The following ZDHHC14 variants were observed in gnomAD, a reference collection of about 807,000 sequenced individuals.
The protein encoded by ZDHHC14 is palmitoyltransferase ZDHHC14.
A neutral mutation model predicts 47.7 loss-of-function variants in ZDHHC14; 16 were observed. The observed-to-expected ratio is 0.34, with a 90% CI of 0.23 to 0.51. ZDHHC14 has a LOEUF of 0.51. ZDHHC14 is among the 20% of genes least tolerant of loss of function. ZDHHC14 has a pLI of 0.97. For missense variants in ZDHHC14, 515 were observed against 662.5 expected (o/e 0.78, Z 2.44); for synonymous variants, 293 against 278.9 (o/e 1.05, Z -0.50).
chr6:157,575,977 A>G (rs34691755), intron 2 of ZDHHC14, among the ~76,000 whole-genome samples: 2,815 of 152,188 alleles, frequency 0.018, 89 homozygotes, highest in African/African-American at 0.065. Context: ...TGGCCTCCCC[A>G]ACCCTTCCAT....
intron 1 of ZDHHC14, among the ~76,000 whole-genome samples, chr6:157,450,199 T>A (rs965772752): frequency 6.6e-6 from 1 of 151,986 alleles, no homozygotes; most frequent in South Asian, 2.1e-4. Flanking sequence ...CAGACTAGTA[T>A]GCAGATTTCT....
In ZDHHC14 at chr6:157,580,083, G is replaced by T. The variant is rs565224676; in HGVS notation, c.407-12905G>T. On this transcript the variant is annotated intron_variant, in intron 2 of 8. Coordinates refer to ENST00000359775, the MANE Select transcript of ZDHHC14 (RefSeq NM_024630.3). ...TCCTTCAATGCCTAGTTTATTGAGG[G>T]TTTTTAACAGGAAGAGATGTTGAAT... Among the ~76,000 whole-genome samples the T allele has an allele frequency of 9.9e-5, 15 of 152,232 alleles. 1 individual carries two copies. In the South Asian group the frequency reaches 3.1e-3, roughly 32 times the overall value.
At chr6:157,406,871 G>C (rs1216652174) in intron 1 of ZDHHC14, among the ~76,000 whole-genome samples, 12 of 152,148 alleles carry the variant, frequency 7.9e-5, no homozygotes. Context: ...CTAATTGCCT[G>C]ACATGCAGAA....
intron 1 of ZDHHC14, among the ~76,000 whole-genome samples, chr6:157,489,042 G>A (rs1327484558): frequency 1.3e-5 from 2 of 152,190 alleles, no homozygotes; most frequent in East Asian, 1.9e-4. Context: ...GCGGCTTTAT[G>A]GTGTTTTGTA....
intron 1 of ZDHHC14, among the ~76,000 whole-genome samples, chr6:157,460,055 T>TAAAAAAA (rs1779033476): frequency 4.0e-5 from 1 of 25,206 alleles, no homozygotes; most frequent in Non-Finnish European, 7.9e-5. Flanking sequence ...CTACTAAAAA[T>TAAAAAAA]ACAAAAAAAA....
Position 157,463,909 on chromosome 6 carries a change from C to T in ZDHHC14, c.246-78676C>T, listed in dbSNP as rs1309118121. On this transcript the variant is annotated intron_variant, in intron 1 of 8. Transcript: ENST00000359775. This position sits in a 1 kb window ranked among gnomAD's most constrained non-coding sequence, Gnocchi z 4.4. ...GCATTGTGGCTCATGCCTGCAGTCC[C>T]AGCTACTCAGGAGGCTGAGGCATGA... Among the ~76,000 whole-genome samples, 2 of 152,160 alleles carry T rather than the reference C, an allele frequency of 1.3e-5. No individual in the cohort carries two copies. The highest frequency in any genetic ancestry group is 2.9e-5 in the Non-Finnish European group (2 of 68,040).
chr6:157,383,762 A>G (rs745519954), intron 1 of ZDHHC14, among the ~76,000 whole-genome samples: 8 of 152,046 alleles, frequency 5.3e-5, no homozygotes, highest in Non-Finnish European at 7.4e-5. Flanking sequence ...TGTCTGTTTG[A>G]CACTAGTAGG....
intron 1 of ZDHHC14, among the ~76,000 whole-genome samples, chr6:157,533,539 AGAG>A (rs1781439327): frequency 6.6e-6 from 1 of 152,236 alleles, no homozygotes; most frequent in South Asian, 2.1e-4. Flanking sequence ...GCAAAAGCCC[AGAG>A]GAGAGGCAGG....
At chr6:157,461,146 G>A (rs184195769) in intron 1 of ZDHHC14, among the ~76,000 whole-genome samples, 40 of 152,182 alleles carry the variant, frequency 2.6e-4, no homozygotes, top group African/African-American at 9.4e-4. Flanking sequence ...GTCCTCCAGG[G>A]GCCTGGGAAA....
intron 1 of ZDHHC14, among the ~76,000 whole-genome samples, chr6:157,481,863 A>G (rs1415909284): frequency 6.6e-6 from 1 of 152,112 alleles, no homozygotes; most frequent in East Asian, 1.9e-4. Flanking sequence ...CATATTATCC[A>G]TCTATCTTAC....
At chr6:157,455,179 T>A (rs1778885513) in intron 1 of ZDHHC14, among the ~76,000 whole-genome samples, 1 of 152,224 alleles carries the variant, frequency 6.6e-6, no homozygotes, top group Admixed American at 6.5e-5. Context: ...CCCGAAGTTC[T>A]TGAAGCATTT....
intron 2 of ZDHHC14, among the ~76,000 whole-genome samples, chr6:157,550,824 CT>C (rs1312906336): frequency 2.6e-5 from 4 of 152,218 alleles, no homozygotes; most frequent in African/African-American, 9.6e-5. Flanking sequence ...ATGTCACTTT[CT>C]TTAGAGTTTG....
intron 2 of ZDHHC14, among the ~76,000 whole-genome samples, chr6:157,592,117 C>T (rs562236641): frequency 2.4e-4 from 36 of 152,170 alleles, no homozygotes; most frequent in Middle Eastern, 3.4e-3. Flanking sequence ...ACCTTGCCCA[C>T]GTGAGAACAA....
intron 1 of ZDHHC14, among the ~76,000 whole-genome samples, chr6:157,428,345 G>A (rs1292971578): frequency 6.6e-6 from 1 of 152,198 alleles, no homozygotes; most frequent in Non-Finnish European, 1.5e-5. Context: ...AAGCAGGGTA[G>A]TGTTTTTCTA....
intron 8 of ZDHHC14, 74 bp from the exon 9 acceptor site, chr6:157,672,650 T>G: frequency 2.3e-5 from 10 of 433,934 alleles, no homozygotes; most frequent in East Asian, 7.7e-5. Context: ...CCGTGCCCTG[T>G]CCCCATCCCT....
At chr6:157,553,946 T>C (rs1050611922) in intron 2 of ZDHHC14, among the ~76,000 whole-genome samples, 3 of 152,178 alleles carry the variant, frequency 2.0e-5, no homozygotes, top group African/African-American at 7.2e-5. Context: ...CCTGCCACCA[T>C]GTTTGGTAAG....
intron 2 of ZDHHC14, among the ~76,000 whole-genome samples, chr6:157,583,695 G>A (rs990906372): frequency 6.6e-6 from 1 of 152,110 alleles, no homozygotes; most frequent in South Asian, 2.1e-4. Context: ...CTGAGGTGTA[G>A]GCTCCTCTCC....
intron 3 of ZDHHC14, among the ~76,000 whole-genome samples, chr6:157,620,079 T>G (rs1230332909): frequency 6.6e-6 from 1 of 152,224 alleles, no homozygotes; most frequent in East Asian, 1.9e-4. Context: ...GAGAACCCTC[T>G]GTCTTAGTCC....
chr6:157,631,519 A>T (rs1224606558), intron 4 of ZDHHC14: 1 of 151,770 alleles, frequency 6.6e-6, no homozygotes, highest in African/African-American at 2.4e-5. Flanking sequence ...GGCTCCTGTT[A>T]CCCTCTTAAG....
Sources: allele counts gnomAD v4.1 joint callset (sites outside exome capture counted in the v4.1 genomes callset), GRCh38; gene constraint gnomAD v4.1.1; non-coding constraint Gnocchi (gnomAD v3.1); transcripts MANE v1.5; gene names NCBI Gene and HGNC (gene_info 2026-07-23, HGNC 2026-07-21).